TBXAS1: variants seen among roughly 807,000 people sequenced by gnomAD.
TBXAS1 encodes thromboxane-A synthase.
Under a neutral mutation model 60.7 loss-of-function variants are expected in TBXAS1, and 48 were observed. That is an observed-to-expected ratio of 0.79 (90% CI 0.63 to 1.01). The LOEUF (loss-of-function observed/expected upper bound fraction) is 1.01. Ranked by LOEUF, TBXAS1 falls within the 50% of genes least tolerant of loss-of-function variation. The pLI, the probability that TBXAS1 is intolerant of heterozygous loss-of-function variation, is 0.00. For missense variants in TBXAS1, 685 were observed against 686.3 expected, an observed-to-expected ratio of 1.00 and a Z score of 0.02; for synonymous variants, 287 against 269.7, an observed-to-expected ratio of 1.06 and a Z score of -0.63.
At chr7:139,818,406 C>T (rs1107952) in intron 4 of TBXAS1, among the ~76,000 whole-genome samples, 52,710 of 151,968 alleles carry the variant, frequency 0.35, 10,283 homozygotes, top group South Asian at 0.68. Flanking sequence ...GTTCAAGGTA[C>T]GAAGGTGTTG....
At chr7:139,807,585 A>G (rs1797911107) in intron 4 of TBXAS1, among the ~76,000 whole-genome samples, 1 of 152,066 alleles carries the variant, frequency 6.6e-6, no homozygotes, top group Non-Finnish European at 1.5e-5. Flanking sequence ...GGGTTTCACC[A>G]TGTTGGCCAG....
chr7:139,951,178 A>G (rs550485815), intron 5 of TBXAS1, among the ~76,000 whole-genome samples: 32 of 152,234 alleles, frequency 2.1e-4, no homozygotes, highest in African/African-American at 6.0e-4. Context: ...CGAAATAGCA[A>G]TTGTACCTGG....
intron 1 of TBXAS1, among the ~76,000 whole-genome samples, chr7:139,832,269 A>C (rs562144186): frequency 1.1e-4 from 16 of 152,310 alleles, no homozygotes; most frequent in African/African-American, 3.8e-4. Flanking sequence ...TAAAGAAAAA[A>C]CAATAGAAAA....
chr7:139,803,569 G>C (rs558771594), intron 4 of TBXAS1, among the ~76,000 whole-genome samples: 1 of 152,180 alleles, frequency 6.6e-6, no homozygotes, highest in Non-Finnish European at 1.5e-5. Flanking sequence ...TGGGGAAAAT[G>C]TCTCCAGGGT....
intron 1 of TBXAS1, among the ~76,000 whole-genome samples, chr7:139,849,372 CA>C (rs527471214): frequency 1.4e-5 from 2 of 145,286 alleles, no homozygotes. Flanking sequence ...CCTGTTCCCC[CA>C]AAAAAAACAC....
In TBXAS1 at chr7:139,916,895, G is replaced by A. The variant is rs531258245; in HGVS notation, c.333+5574G>A. 2.6e-5 allele frequency among the ~76,000 whole-genome samples: 4 copies of A among 152,252 alleles called. No individual in the cohort carries two copies. Among genetic ancestry groups the A allele is most frequent in the East Asian group, 1.9e-4 (1 of 5,174 alleles). On this transcript the variant is annotated intron_variant, in intron 4 of 12. Transcript: ENST00000448866. The surrounding 1 kb of genome is among the most constrained non-coding windows in gnomAD (Gnocchi z 4.2). ...CCCTTGGCAGACTTGCCATAAAACC[G>A]CCCCCCTTGAACTCATTCCTACACC...
At chr7:139,958,547 G>T (rs975024335) in intron 8 of TBXAS1, among the ~76,000 whole-genome samples, 1 of 152,200 alleles carries the variant, frequency 6.6e-6, no homozygotes, top group Non-Finnish European at 1.5e-5. Context: ...TAGCTGGCTC[G>T]TGCAAGATGC....
upstream of TBXAS1, among the ~76,000 whole-genome samples, chr7:139,826,999 C>T (rs1300648342): frequency 6.6e-6 from 1 of 152,130 alleles, no homozygotes; most frequent in Non-Finnish European, 1.5e-5. Context: ...GTCCTCCTTT[C>T]CCCTTCCCTT....
chr7:139,918,831 C>A (rs1330750908), intron 4 of TBXAS1, among the ~76,000 whole-genome samples: 2 of 152,170 alleles, frequency 1.3e-5, no homozygotes, highest in African/African-American at 4.8e-5. Context: ...GGAGGCCATT[C>A]TCTCAGGCCA....
chr7:139,858,494 C>A (rs1397199895), intron 1 of TBXAS1, among the ~76,000 whole-genome samples: 5 of 152,180 alleles, frequency 3.3e-5, no homozygotes, highest in Middle Eastern at 3.2e-3. Flanking sequence ...CTCTTAGCCA[C>A]AATGATCATA....
chr7:139,983,125 G>T (rs539347241), intron 9 of TBXAS1, among the ~76,000 whole-genome samples: 15 of 151,896 alleles, frequency 9.9e-5, no homozygotes, highest in African/African-American at 3.6e-4. Context: ...TTACATCATT[G>T]CTTATGGCAC....
chr7:139,855,170 T>C (rs1800495195), intron 1 of TBXAS1, among the ~76,000 whole-genome samples: 1 of 152,210 alleles, frequency 6.6e-6, no homozygotes, highest in South Asian at 2.1e-4. Context: ...CTCCTTAACC[T>C]TGGACTTCTC....
intron 3 of TBXAS1, among the ~76,000 whole-genome samples, chr7:139,880,122 A>G (rs1802587967): frequency 1.3e-5 from 2 of 152,220 alleles, no homozygotes; most frequent in Admixed American, 6.5e-5. Flanking sequence ...ACCTCAAGTG[A>G]TCCAACTCCC....
At chr7:139,952,743 C>T in intron 5 of TBXAS1, 2 of 1,467,294 alleles carry the variant, frequency 1.4e-6, no homozygotes, top group Non-Finnish European at 1.8e-6. Flanking sequence ...AAAAGAAACC[C>T]AACAATTGCC....
intron 9 of TBXAS1, among the ~76,000 whole-genome samples, chr7:139,979,930 C>CT (rs8192844): frequency 1.9e-4 from 28 of 147,344 alleles, no homozygotes; most frequent in African/African-American, 4.7e-4. Flanking sequence ...TTGGGTTTTG[C>CT]TTTTTTTTTT....
At chr7:139,981,533 G>T (rs1811981616) in intron 9 of TBXAS1, among the ~76,000 whole-genome samples, 1 of 152,236 alleles carries the variant, frequency 6.6e-6, no homozygotes, top group African/African-American at 2.4e-5. Context: ...ACAGCACAGA[G>T]ATTCAAAATA....
chr7:139,800,234 T>C (rs1405344951), intron 4 of TBXAS1, among the ~76,000 whole-genome samples: 1 of 152,202 alleles, frequency 6.6e-6, no homozygotes, highest in Non-Finnish European at 1.5e-5. Context: ...GTATCATGCC[T>C]CCAGTGGCTT....
chr7:139,957,844 C>T (rs760090720), intron 8 of TBXAS1, 80 bp downstream of exon 8: 338 of 1,588,976 alleles, frequency 2.1e-4, no homozygotes, highest in Non-Finnish European at 2.7e-4. Flanking sequence ...TTTCTCTTCC[C>T]TCTCAGCCCC....
chr7:139,891,621 G>C (rs1803629128), intron 3 of TBXAS1, among the ~76,000 whole-genome samples: 1 of 152,162 alleles, frequency 6.6e-6, no homozygotes, highest in East Asian at 1.9e-4. Flanking sequence ...TTTGTTGGTT[G>C]ACCTGCTTTC....
Sources: allele counts gnomAD v4.1 joint callset (sites outside exome capture counted in the v4.1 genomes callset), GRCh38; gene constraint gnomAD v4.1.1; non-coding constraint Gnocchi (gnomAD v3.1); transcripts MANE v1.5; gene names NCBI Gene and HGNC (gene_info 2026-07-23, HGNC 2026-07-21).